The following SMAD2 variants were observed in gnomAD, a reference collection of about 807,000 sequenced individuals.
The protein encoded by SMAD2 is MAD homolog 2.
A neutral mutation model predicts 64.4 loss-of-function variants in SMAD2; 8 were observed. The ratio of observed to expected loss-of-function variants is 0.12; its 90% CI spans 0.07 to 0.22. The LOEUF is 0.22. Ranked by LOEUF, SMAD2 falls within the 10% of genes least tolerant of loss-of-function variation. The pLI, the probability that SMAD2 is intolerant of heterozygous loss-of-function variation, is 1.00. For missense variants in SMAD2, 289 were observed against 561.2 expected, an observed-to-expected ratio of 0.51 and a Z score of 4.90; for synonymous variants, 203 against 195.8, an observed-to-expected ratio of 1.04 and a Z score of -0.31.
chr18:47,910,280 G>GT (rs1568107958), intron 1 of SMAD2, among the ~76,000 whole-genome samples: 1 of 152,036 alleles, frequency 6.6e-6, no homozygotes, highest in African/African-American at 2.4e-5. Context: ...AGAAGACGAC[G>GT]TAACAGAGAT....
rs1402607062 is a variant in SMAD2, at chr18:47,896,794, G to A, written c.-38C>T. Reference sequence around the variant, plus strand: ...GGCAGCAAGCCACGCTAGGAAAACAGCCTCTTGTATCGAACCTAGCAGAAA... The same window carrying A: ...GGCAGCAAGCCACGCTAGGAAAACAACCTCTTGTATCGAACCTAGCAGAAA... On this transcript the variant is annotated 5_prime_UTR_variant, in exon 2 of 11. Coordinates refer to ENST00000262160, the MANE Select transcript of SMAD2 (RefSeq NM_005901.6). 1.2e-6 allele frequency: 2 copies of A among 1,602,820 alleles called. No individual in the cohort carries two copies. The highest frequency in any genetic ancestry group is 1.7e-6 in the Non-Finnish European group (2 of 1,174,570).
intron 8 of SMAD2, 123 bp downstream of exon 8, chr18:47,848,352 A>C (rs566263464): frequency 1.2e-4 from 90 of 751,950 alleles, no homozygotes; most frequent in Admixed American, 9.0e-4. Context: ...ATGTGTCGGC[A>C]CTTAAACCAC....
chr18:47,874,682 C>G (rs2032156533), intron 2 of SMAD2, among the ~76,000 whole-genome samples: 1 of 151,962 alleles, frequency 6.6e-6, no homozygotes, highest in Admixed American at 6.6e-5. Context: ...TATGCTACTC[C>G]CTGTATTAAA....
rs1442139559 is a variant in SMAD2, at chr18:47,839,667, T to C, written c.*2160A>G. ...TCACAAAATAAGGCCACCTTCAAAATGTTATGAACTGTAGAACCATTCTGA... is the reference window on the plus strand; with the variant it reads ...TCACAAAATAAGGCCACCTTCAAAACGTTATGAACTGTAGAACCATTCTGA... On this transcript the variant is annotated 3_prime_UTR_variant, in exon 11 of 11. Transcript: ENST00000262160. 2 of 233,298 alleles carry C rather than the reference T, an allele frequency of 8.6e-6. No homozygotes were observed. The highest frequency in any genetic ancestry group is 1.7e-5 in the Non-Finnish European group (2 of 118,044). 14.5% of individuals were successfully genotyped at this position (233,298 alleles called of 1,614,324 possible). A position where few individuals can be genotyped will look rare whatever the true frequency, so the allele number is the denominator to read the frequency against.
At chr18:47,845,165 G>A (rs1914373077) in intron 10 of SMAD2, 175 bp downstream of exon 10, 3 of 693,456 alleles carry the variant, frequency 4.3e-6, no homozygotes, top group Admixed American at 2.2e-5. Flanking sequence ...CATAATGGCA[G>A]CTCAGTAATT....
intron 6 of SMAD2, among the ~76,000 whole-genome samples, chr18:47,863,997 T>G (rs2031379185): frequency 6.6e-6 from 1 of 152,100 alleles, no homozygotes; most frequent in African/African-American, 2.4e-5. Flanking sequence ...CTCACTGTGG[T>G]TTATGACGTT....
At chr18:47,888,590 G>A (rs1310248480) in intron 2 of SMAD2, among the ~76,000 whole-genome samples, 1 of 152,204 alleles carries the variant, frequency 6.6e-6, no homozygotes, top group Non-Finnish European at 1.5e-5. Flanking sequence ...TGCAGGAAAG[G>A]TATAATCCAG....
intron 1 of SMAD2, among the ~76,000 whole-genome samples, chr18:47,901,790 GT>G (rs1568099665): frequency 6.6e-6 from 1 of 152,114 alleles, no homozygotes; most frequent in African/African-American, 2.4e-5. Context: ...CTAGCAGATC[GT>G]TATCTTCTAG....
At chr18:47,914,227 T>C (rs958604455) in intron 1 of SMAD2, among the ~76,000 whole-genome samples, 2 of 152,216 alleles carry the variant, frequency 1.3e-5, no homozygotes, top group Non-Finnish European at 1.5e-5. Context: ...TCCAAATCCT[T>C]AGAATGACTT....
In SMAD2 at chr18:47,841,586, CATT is replaced by C; in HGVS notation, c.*238_*240del. The C allele has an allele frequency of 5.5e-6, 3 of 543,916 alleles. No individual in the cohort carries two copies. Among genetic ancestry groups the C allele is most frequent in the Non-Finnish European group, 6.6e-6 (2 of 301,728 alleles). The allele number at this position is 543,916 out of a possible 1,614,324, so 33.7% of individuals were successfully genotyped here. A position where few individuals can be genotyped will look rare whatever the true frequency, so the allele number is the denominator to read the frequency against. ...CTCAGTTTTATGCCCAATAAGACAT[CATT>C]AAGTCTTTAAAATCTTCTCTTCCTC... On this transcript the variant is annotated 3_prime_UTR_variant, in exon 11 of 11. Transcript: ENST00000262160.
At position 47,896,681 on chromosome 18, in the gene SMAD2, C is replaced by T. The variant is rs2033451522; in HGVS notation, c.76G>A (p.Gly26Arg). The T allele has an allele frequency of 6.2e-7, 1 of 1,614,014 alleles. No homozygotes were observed. Among genetic ancestry groups the T allele is most frequent in the Admixed American group, 1.7e-5 (1 of 59,992 alleles). ...LGWKKSAGGS[G>R]GAGGGEQNGQ... ...TTCTGCTCTCCTCCGCCTGCTCCTC[C>T]AGACCCACCAGCTGACTTCTTCCAT... Residue 26 changes from glycine to arginine, a missense_variant, in exon 2 of 11, where the codon GGA (glycine) becomes AGA (arginine). This residue lies in a region of SMAD2 where 89 missense variants were observed against 137.1 expected (regional missense o/e 0.65). Transcript: ENST00000262160.
chr18:47,885,887 A>G (rs1438509809), intron 2 of SMAD2, among the ~76,000 whole-genome samples: 1 of 152,218 alleles, frequency 6.6e-6, no homozygotes, highest in Non-Finnish European at 1.5e-5. Flanking sequence ...ACCGGAGCCC[A>G]GGAAGCAGAG....
chr18:47,834,376 T>A lies in SMAD2; in HGVS notation c.*7451A>T. ...GTTAAGGCCTCTGATGTGCTACTTA[T>A]CAGAAAAATCCACATATATACAAAA... On this transcript the variant is annotated 3_prime_UTR_variant, in exon 11 of 11. Coordinates refer to ENST00000262160, the MANE Select transcript of SMAD2 (RefSeq NM_005901.6). 4.8e-6 allele frequency: 1 copy of A among 207,828 alleles called. No individual in the cohort carries two copies. Among genetic ancestry groups the A allele is most frequent in the Non-Finnish European group, 9.8e-6 (1 of 101,962 alleles). The allele number at this position is 207,828 out of a possible 1,614,324, so 12.9% of individuals were successfully genotyped here.
chr18:47,845,959 G>A (rs975599315), intron 8 of SMAD2, among the ~76,000 whole-genome samples, 159 bp from the exon 9 acceptor site: 20 of 151,942 alleles, frequency 1.3e-4, no homozygotes, highest in Non-Finnish European at 2.1e-4. Context: ...ATATACTACT[G>A]TATATTTCTC....
intron 8 of SMAD2, among the ~76,000 whole-genome samples, chr18:47,846,917 C>T (rs1027446372): frequency 3.3e-5 from 5 of 152,180 alleles, no homozygotes; most frequent in Non-Finnish European, 7.3e-5. Flanking sequence ...AGATTTAATA[C>T]AGAACCTGGT....
chr18:47,927,760 A>G (rs1345969337), intron 1 of SMAD2, among the ~76,000 whole-genome samples: 1 of 152,084 alleles, frequency 6.6e-6, no homozygotes, highest in Non-Finnish European at 1.5e-5. Context: ...TCAGCCAGGC[A>G]TGGTGGCGCA....
At chr18:47,924,230 A>G (rs1318806747) in intron 1 of SMAD2, among the ~76,000 whole-genome samples, 1 of 139,120 alleles carries the variant, frequency 7.2e-6, no homozygotes, top group Non-Finnish European at 1.5e-5. Context: ...CCTGGGCAAC[A>G]GGAGCAAAAC....
Position 47,833,494 on chromosome 18 carries a change from C to G in SMAD2, c.*8333G>C, listed in dbSNP as rs1913113842. 4.4e-6 allele frequency: 1 copy of G among 229,820 alleles called. No individual in the cohort carries two copies. Among genetic ancestry groups the G allele is most frequent in the Non-Finnish European group, 8.6e-6 (1 of 115,650 alleles). 14.2% of individuals were successfully genotyped at this position (229,820 alleles called of 1,614,324 possible). On this transcript the variant is annotated 3_prime_UTR_variant, in exon 11 of 11. Coordinates refer to ENST00000262160, the MANE Select transcript of SMAD2 (RefSeq NM_005901.6). Reference sequence around the variant, plus strand: ...CATTTAATATCTCCATCACAGTGCACCAAGGATGCAGCCACTAAGGACTTC... The same window carrying G: ...CATTTAATATCTCCATCACAGTGCAGCAAGGATGCAGCCACTAAGGACTTC...
At chr18:47,854,365 A>G (rs1486179553) in intron 6 of SMAD2, among the ~76,000 whole-genome samples, 1 of 152,230 alleles carries the variant, frequency 6.6e-6, no homozygotes, top group African/African-American at 2.4e-5. Context: ...AATGTGTTAA[A>G]CTTTTATAAG....
Sources: gnomAD v4.1 joint callset for allele counts (sites outside exome capture counted in the v4.1 genomes callset) on GRCh38, gnomAD v4.1.1 for gene constraint, gnomAD v4.1.1 regional missense constraint, MANE v1.5 for transcripts, NCBI Gene and HGNC (gene_info 2026-07-23, HGNC 2026-07-21) for gene names.